Variants in CDH11 observed in about 807,000 individuals in gnomAD.
CDH11 encodes the protein cadherin 11, also known as cadherin-11.
CDH11 carries 11 observed loss-of-function variants against 67.8 expected under a neutral mutation model. That is an observed-to-expected ratio of 0.16 (90% CI 0.10 to 0.27). CDH11 has a LOEUF of 0.27. Ranked by LOEUF, CDH11 falls within the 10% of genes least tolerant of loss-of-function variation. The probability of loss-of-function intolerance (pLI) is 1.00; values close to 1 mark genes in which losing one functional copy is unlikely to be tolerated. For missense variants in CDH11, 847 were observed against 1,031.2 expected, an observed-to-expected ratio of 0.82 and a Z score of 2.45; for synonymous variants, 419 against 400.0, an observed-to-expected ratio of 1.05 and a Z score of -0.57.
At chr16:65,060,557 C>T (rs2074221840) in intron 1 of CDH11, among the ~76,000 whole-genome samples, 1 of 152,000 alleles carries the variant, frequency 6.6e-6, no homozygotes, top group African/African-American at 2.4e-5. Context: ...TTTAAGGATG[C>T]CCATATGGTC....
intron 1 of CDH11, among the ~76,000 whole-genome samples, chr16:65,068,869 T>C (rs1160468979): frequency 2.6e-5 from 4 of 152,208 alleles, no homozygotes; most frequent in Non-Finnish European, 5.9e-5. Flanking sequence ...TTGCTTTCAA[T>C]GTCATCTTAA....
At chr16:64,994,727 A>C (rs1413013473) in intron 4 of CDH11, among the ~76,000 whole-genome samples, 1 of 152,228 alleles carries the variant, frequency 6.6e-6, no homozygotes, top group Non-Finnish European at 1.5e-5. Flanking sequence ...AGGCAAGAGC[A>C]AGAAATAAAA....
chr16:65,084,528 C>T (rs991028525), intron 1 of CDH11, among the ~76,000 whole-genome samples: 2 of 152,050 alleles, frequency 1.3e-5, no homozygotes, highest in African/African-American at 4.8e-5. Flanking sequence ...CAAAATTAAG[C>T]TATAGTGTTT....
At chr16:65,116,870 A>T (rs1158013503) in intron 1 of CDH11, among the ~76,000 whole-genome samples, 1 of 152,156 alleles carries the variant, frequency 6.6e-6, no homozygotes, top group Non-Finnish European at 1.5e-5. Context: ...TCTCTCTCAC[A>T]TTCCTCTCAC....
At chr16:65,107,973 C>G (rs147440666) in intron 1 of CDH11, among the ~76,000 whole-genome samples, 11 of 152,270 alleles carry the variant, frequency 7.2e-5, no homozygotes, top group Non-Finnish European at 1.5e-4. Flanking sequence ...AATCACAGGG[C>G]AGCCTATTAG....
At chr16:64,962,888 T>G (rs1374640977) in intron 11 of CDH11, among the ~76,000 whole-genome samples, 2 of 152,136 alleles carry the variant, frequency 1.3e-5, no homozygotes, top group Non-Finnish European at 2.9e-5. Flanking sequence ...AAGGAGCACT[T>G]GTGAAGTTTA....
At chr16:65,105,850 T>C (rs1178482312) in intron 1 of CDH11, among the ~76,000 whole-genome samples, 1 of 152,224 alleles carries the variant, frequency 6.6e-6, no homozygotes, top group Non-Finnish European at 1.5e-5. Flanking sequence ...ATAATATCAA[T>C]ATTTTTCAAC....
intron 1 of CDH11, among the ~76,000 whole-genome samples, chr16:65,061,428 T>G (rs1214555089): frequency 6.6e-6 from 1 of 152,256 alleles, no homozygotes; most frequent in Non-Finnish European, 1.5e-5. Flanking sequence ...ACTGTAATAA[T>G]GTACTCATTT....
intron 2 of CDH11, among the ~76,000 whole-genome samples, chr16:65,021,569 C>CATAT (rs58195440): frequency 0.01 from 1,399 of 138,994 alleles, 24 homozygotes; most frequent in African/African-American, 0.035. Context: ...CACACACACA[C>CATAT]ATATATATAT....
chr16:65,119,366 C>T (rs1029853828), intron 1 of CDH11, among the ~76,000 whole-genome samples: 8 of 152,026 alleles, frequency 5.3e-5, no homozygotes, highest in African/African-American at 1.7e-4. Flanking sequence ...AAAAAAATTG[C>T]GCCATAACTA....
Position 64,946,935 on chromosome 16 carries a change from T to A in CDH11, c.*668A>T. On this transcript the variant is annotated 3_prime_UTR_variant, in exon 13 of 13. Coordinates refer to ENST00000268603, the MANE Select transcript of CDH11 (RefSeq NM_001797.4). ...TTATACGTATACTAAAATAAGAACTTTAAAATTGTACAAATAGATACATTA... is the reference window on the plus strand; with the variant it reads ...TTATACGTATACTAAAATAAGAACTATAAAATTGTACAAATAGATACATTA... The A allele has an allele frequency of 1.1e-6, 1 of 881,578 alleles. No homozygotes were observed. The highest frequency in any genetic ancestry group is 1.4e-6 in the Non-Finnish European group (1 of 724,344). The allele number at this position is 881,578 out of a possible 1,614,324, so 54.6% of individuals were successfully genotyped here. A position where few individuals can be genotyped will look rare whatever the true frequency, so the allele number is the denominator to read the frequency against.
chr16:65,073,184 C>T (rs980606056), intron 1 of CDH11, among the ~76,000 whole-genome samples: 4 of 152,142 alleles, frequency 2.6e-5, no homozygotes, highest in Admixed American at 2.0e-4. Flanking sequence ...TTAGAGAAAA[C>T]AAGAAACCTA....
intron 7 of CDH11, among the ~76,000 whole-genome samples, chr16:64,984,025 G>A (rs141897006): frequency 2.3e-4 from 35 of 152,298 alleles, no homozygotes; most frequent in African/African-American, 7.9e-4. Flanking sequence ...ATATCCTCAT[G>A]CTGCAGTTTC....
intron 2 of CDH11, among the ~76,000 whole-genome samples, chr16:65,053,256 G>A (rs1241934344): frequency 6.6e-6 from 1 of 152,162 alleles, no homozygotes; most frequent in African/African-American, 2.4e-5. Flanking sequence ...CCTAGGTCCA[G>A]CCACCCTGGC....
At chr16:64,967,454 A>G (rs2071869446) in intron 11 of CDH11, among the ~76,000 whole-genome samples, 1 of 152,280 alleles carries the variant, frequency 6.6e-6, no homozygotes, top group South Asian at 2.1e-4. Context: ...TCCTGAGCTC[A>G]GGCAATCCAT....
At chr16:64,957,487 A>G (rs760186375) in intron 11 of CDH11, among the ~76,000 whole-genome samples, 10 of 152,112 alleles carry the variant, frequency 6.6e-5, no homozygotes, top group Non-Finnish European at 1.2e-4. Context: ...AGTCACTAGC[A>G]GAATAAACAT....
chr16:64,974,801 C>T (rs1315587984), intron 8 of CDH11, among the ~76,000 whole-genome samples: 1 of 152,138 alleles, frequency 6.6e-6, no homozygotes, highest in Non-Finnish European at 1.5e-5. Flanking sequence ...GACATGACAA[C>T]ACACATGTGG....
At chr16:65,096,689 T>C (rs1190186904) in intron 1 of CDH11, among the ~76,000 whole-genome samples, 1 of 149,638 alleles carries the variant, frequency 6.7e-6, no homozygotes, top group East Asian at 2.0e-4. Flanking sequence ...TATATACAAA[T>C]ATATATGTAT....
In CDH11 at chr16:64,946,091, CA is replaced by C; in HGVS notation, c.*1511del. The C allele has an allele frequency of 9.5e-7, 1 of 1,057,996 alleles. No individual in the cohort carries two copies. The allele number at this position is 1,057,996 out of a possible 1,614,324, so 65.5% of individuals were successfully genotyped here. On this transcript the variant is annotated 3_prime_UTR_variant, in exon 13 of 13. Transcript: ENST00000268603. The stretch of plus-strand genomic sequence containing the variant: ...CCAAATGGCATCGACTCTCAGAATC[CA>C]AAATGGTCCCTGCCCTCATTCTGAG...
Sources: gnomAD v4.1 joint callset for allele counts (sites outside exome capture counted in the v4.1 genomes callset) on GRCh38, gnomAD v4.1.1 for gene constraint, MANE v1.5 for transcripts, NCBI Gene and HGNC (gene_info 2026-07-23, HGNC 2026-07-21) for gene names.